KPNA7: variants seen among roughly 807,000 people sequenced by gnomAD.
KPNA7 encodes the protein karyopherin subunit alpha 7.
Under a neutral mutation model 53.7 loss-of-function variants are expected in KPNA7, and 54 were observed. That is an observed-to-expected ratio of 1.01 (90% CI 0.81 to 1.26). The LOEUF (loss-of-function observed/expected upper bound fraction) is 1.26. KPNA7 is among the 50% of genes most tolerant of loss of function. The probability of loss-of-function intolerance (pLI) is 0.00; values close to 1 mark genes in which losing one functional copy is unlikely to be tolerated. For missense variants in KPNA7, 640 were observed against 644.5 expected (o/e 0.99, Z 0.07); for synonymous variants, 276 against 259.3 (o/e 1.06, Z -0.62).
chr7:99,147,324 G>C, the KPNA7 span, among the ~76,000 whole-genome samples: 1 of 152,156 alleles, frequency 6.6e-6, no homozygotes, highest in South Asian at 2.1e-4. Context: ...TTAATCTAGA[G>C]CTTAAAGCCA....
chr7:99,190,953 G>T (rs547148247), intron 6 of KPNA7, among the ~76,000 whole-genome samples: 12 of 152,086 alleles, frequency 7.9e-5, no homozygotes, highest in Admixed American at 7.9e-4. Context: ...TGCTGCAATG[G>T]TGTCTCCAAC....
At chr7:99,210,383 C>T (rs1791034149), upstream of KPNA7, among the ~76,000 whole-genome samples, 1 of 152,074 alleles carries the variant, frequency 6.6e-6, no homozygotes, top group African/African-American at 2.4e-5. Context: ...AACTTCCTCT[C>T]CTCCTACTCC....
the KPNA7 span, among the ~76,000 whole-genome samples, chr7:99,160,017 G>GTTTTTTTTTTTTTTT: frequency 1.2e-4 from 8 of 67,644 alleles, no homozygotes; most frequent in Admixed American, 2.0e-4. Flanking sequence ...TGTTGTTTTT[G>GTTTTTTTTTTTTTTT]TTTTTTTTTT....
At chr7:99,173,003 A>G (rs980613829), downstream of KPNA7, among the ~76,000 whole-genome samples, 1 of 138,302 alleles carries the variant, frequency 7.2e-6, no homozygotes, top group Non-Finnish European at 1.5e-5. Context: ...CGGAGGTTGC[A>G]GTGAGCCTAG....
At chr7:99,219,091 G>A (rs1204566952) in intron 1 of KPNA7, among the ~76,000 whole-genome samples, 3 of 152,244 alleles carry the variant, frequency 2.0e-5, no homozygotes, top group African/African-American at 4.8e-5. Context: ...ATGCGTGAAC[G>A]CAGATTGGAA....
chr7:99,188,973 T>C (rs1789787823), intron 6 of KPNA7, among the ~76,000 whole-genome samples: 1 of 152,160 alleles, frequency 6.6e-6, no homozygotes, highest in African/African-American at 2.4e-5. Flanking sequence ...TGAGCCATTG[T>C]GCCCGACTGA....
chr7:99,157,052 G>A, the KPNA7 span, among the ~76,000 whole-genome samples: 1 of 151,886 alleles, frequency 6.6e-6, no homozygotes, highest in African/African-American at 2.4e-5. Context: ...TTTAATTTCT[G>A]AGAGTGTTCC....
rs746784660 is a variant in KPNA7 at position 99,207,418 on chromosome 7, G to T, written c.49C>A (p.Arg17=). The T allele has an allele frequency of 1.3e-6, 2 of 1,551,080 alleles. No individual in the cohort carries two copies. Among genetic ancestry groups the T allele is most frequent in the African/African-American group, 1.4e-5 (1 of 72,898 alleles). The change falls in exon 2 of 11, where the codon CGA becomes AGA. Residue 17 remains arginine, a synonymous_variant. Transcript: ENST00000327442. ...ATACTCACAGACACATCTTTGCCTC[G>T]GTACTTAAATTTTCTCCGCCTCTCT... ...PEERRRKFKY[R]GKDVSLRRQQ...
At chr7:99,202,706 A>C (rs1381450890) in intron 3 of KPNA7, among the ~76,000 whole-genome samples, 1 of 152,072 alleles carries the variant, frequency 6.6e-6, no homozygotes, top group East Asian at 1.9e-4. Flanking sequence ...TTCACCAGGC[A>C]TGATGGTGAG....
chr7:99,177,572 CAAAAAAAAA>C (rs34717081), intron 10 of KPNA7, among the ~76,000 whole-genome samples: 230 of 41,776 alleles, frequency 5.5e-3, no homozygotes, highest in South Asian at 0.017. Flanking sequence ...GAAACCATCT[CAAAAAAAAA>C]AAAAAAAAAA....
intron 3 of KPNA7, among the ~76,000 whole-genome samples, chr7:99,198,390 C>A (rs1790338236): frequency 6.6e-6 from 1 of 151,812 alleles, no homozygotes; most frequent in Non-Finnish European, 1.5e-5. Context: ...AGGAGGAAAC[C>A]AAATGCCTAA....
intron 1 of KPNA7, among the ~76,000 whole-genome samples, chr7:99,216,279 T>G (rs1490362455): frequency 3.3e-5 from 5 of 152,152 alleles, no homozygotes; most frequent in African/African-American, 4.8e-5. Flanking sequence ...TCCTCCCACT[T>G]CAGCCTCCCA....
chr7:99,183,337 T>C (rs1789379878), intron 8 of KPNA7, among the ~76,000 whole-genome samples: 1 of 152,156 alleles, frequency 6.6e-6, no homozygotes, highest in Non-Finnish European at 1.5e-5. Flanking sequence ...TCTTCTATTC[T>C]TCTATTCCTG....
At chr7:99,169,493 G>A (rs932985949), downstream of KPNA7, among the ~76,000 whole-genome samples, 3 of 151,412 alleles carry the variant, frequency 2.0e-5, no homozygotes, top group Non-Finnish European at 2.9e-5. Context: ...GGTGGGGCAC[G>A]CCTGTAATCT....
At chr7:99,213,819 C>T (rs144663193) in intron 1 of KPNA7, among the ~76,000 whole-genome samples, 229 of 152,056 alleles carry the variant, frequency 1.5e-3, no homozygotes, top group African/African-American at 5.1e-3. Context: ...GTGTTGCCCA[C>T]GCTGTTCTTG....
the KPNA7 span, among the ~76,000 whole-genome samples, chr7:99,151,122 T>C: frequency 6.6e-6 from 1 of 152,180 alleles, no homozygotes; most frequent in Non-Finnish European, 1.5e-5. Flanking sequence ...TCCTGCTTAG[T>C]GAACATGACG....
In KPNA7 at chr7:99,208,028, C is replaced by G. The variant is rs531113976; in HGVS notation, c.-24G>C. 6.6e-6 allele frequency among the ~76,000 whole-genome samples: 1 copy of G among 152,200 alleles called. No homozygotes were observed. The highest frequency in any genetic ancestry group is 6.5e-5 in the Admixed American group (1 of 15,270). ...CCCGTCCCCAACCCTTGGGCTCAACCTGGCAGCAAGAACAACAGTCTGGAC... is the reference window on the plus strand; with the variant it reads ...CCCGTCCCCAACCCTTGGGCTCAACGTGGCAGCAAGAACAACAGTCTGGAC... On this transcript the variant is annotated splice_region_variant and 5_prime_UTR_variant, in exon 1 of 11. Transcript: ENST00000327442.
chr7:99,171,849 G>A (rs1261028326), downstream of KPNA7, among the ~76,000 whole-genome samples: 1 of 152,192 alleles, frequency 6.6e-6, no homozygotes, highest in Non-Finnish European at 1.5e-5. Context: ...CACAATGATG[G>A]TAAAAGCCGA....
chr7:99,204,430 G>A (rs1408373694), intron 2 of KPNA7, among the ~76,000 whole-genome samples: 1 of 151,968 alleles, frequency 6.6e-6, no homozygotes, highest in Non-Finnish European at 1.5e-5. Context: ...GTCAGTTAAT[G>A]ACTCAAACTT....
Sources: gnomAD v4.1 joint callset for allele counts (sites outside exome capture counted in the v4.1 genomes callset) on GRCh38, gnomAD v4.1.1 for gene constraint, MANE v1.5 for transcripts, NCBI Gene and HGNC (gene_info 2026-07-23, HGNC 2026-07-21) for gene names.